POT1: variants seen among roughly 807,000 people sequenced by gnomAD.
The protein encoded by POT1 is protection of telomeres 1.
A neutral mutation model predicts 78.5 loss-of-function variants in POT1; 47 were observed. That is an observed-to-expected ratio of 0.60 (90% CI 0.47 to 0.76). The LOEUF (loss-of-function observed/expected upper bound fraction) is 0.76. Among genes scored for constraint, POT1 ranks in the 30% least tolerant of loss-of-function variants. The probability of loss-of-function intolerance (pLI) is 0.00; values close to 1 mark genes in which losing one functional copy is unlikely to be tolerated. For synonymous variants in POT1, 259 were observed against 260.7 expected, an observed-to-expected ratio of 0.99 and a Z score of 0.06; for missense variants, 646 against 749.9, an observed-to-expected ratio of 0.86 and a Z score of 1.62.
At chr7:124,866,081 AGTT>A (rs936291052) in intron 7 of POT1, among the ~76,000 whole-genome samples, 1 of 151,910 alleles carries the variant, frequency 6.6e-6, no homozygotes, top group Non-Finnish European at 1.5e-5. Flanking sequence ...TTGGCCACTG[AGTT>A]GTTGTCTGGT....
Position 124,877,840 on chromosome 7 carries a change from C to CAAAAAAAAAA in POT1, c.125-6809_125-6800dup, listed in dbSNP as rs201285982. Among the ~76,000 whole-genome samples, 37 of 80,564 alleles carry CAAAAAAAAAA rather than the reference C, an allele frequency of 4.6e-4. 4 individuals are homozygous for CAAAAAAAAAA. Among genetic ancestry groups the CAAAAAAAAAA allele is most frequent in the Non-Finnish European group, 6.5e-4 (24 of 36,922 alleles). The allele number at this position is 80,564 out of a possible 152,430, so 52.9% of individuals were successfully genotyped here. A position where few individuals can be genotyped will look rare whatever the true frequency, so the allele number is the denominator to read the frequency against. ...TGGGCGACAGAGAGAGATTCTGTCT[C>CAAAAAAAAAA]AAAAAAAAAAAAAAAAAAAAAAAAA... On this transcript the variant is annotated intron_variant, in intron 6 of 18. Coordinates refer to ENST00000357628, the MANE Select transcript of POT1 (RefSeq NM_015450.3).
intron 3 of POT1, among the ~76,000 whole-genome samples, chr7:124,915,369 T>A (rs1315132460): frequency 1.3e-5 from 2 of 152,156 alleles, no homozygotes; most frequent in East Asian, 1.9e-4. Flanking sequence ...CTATGTAACA[T>A]GTTAAAAGCC....
At chr7:124,847,457 G>A (rs1795200304) in intron 11 of POT1, among the ~76,000 whole-genome samples, 1 of 152,222 alleles carries the variant, frequency 6.6e-6, no homozygotes, top group South Asian at 2.1e-4. Context: ...TTGTGCCATT[G>A]CACTCCAGCC....
chr7:124,853,018 T>C lies in POT1; in HGVS notation c.823A>G (p.Ile275Val), dbSNP rs1584765612. ...GAGTTACTTTCTGGCAAGACCCTGATTCCCCGACCGTAACTGGTACCTCCA... is the reference window on the plus strand; with the variant it reads ...GAGTTACTTTCTGGCAAGACCCTGACTCCCCGACCGTAACTGGTACCTCCA... ...LHGGTSYGRGIRVLPESNSDV... is the reference protein window; with the variant it reads ...LHGGTSYGRGVRVLPESNSDV... The change falls in exon 10 of 19, where the codon ATC (isoleucine) becomes GTC (valine). Residue 275 changes from isoleucine (I) to valine (V), a missense_variant. Physicochemically the swap from Ile to Val is conservative, Grantham distance 29 (BLOSUM62 3). Transcript: ENST00000357628. 1 of 1,613,590 alleles carries C rather than the reference T, an allele frequency of 6.2e-7. No individual in the cohort carries two copies. The highest frequency in any genetic ancestry group is 8.5e-7 in the Non-Finnish European group (1 of 1,179,558).
chr7:124,908,200 T>G (rs189774676), intron 3 of POT1, among the ~76,000 whole-genome samples: 69 of 152,148 alleles, frequency 4.5e-4, no homozygotes, highest in Middle Eastern at 3.4e-3. Context: ...TTAAAACATT[T>G]TTCAAGAGTA....
chr7:124,863,553 T>A lies in POT1; in HGVS notation c.343A>T (p.Ile115Leu). Residue 115 changes from isoleucine to leucine, a missense_variant, in exon 8 of 19, where the codon ATA becomes TTA. By Grantham distance (5) the Ile-to-Leu change is conservative. Transcript: ENST00000357628. The part of the protein sequence containing the change: ...TFEGTLGAPI[I>L]PRTSSKYFNF... ...AAATACTTGCTTGAAGTGCGAGGTA[T>A]GATAGGGGCTCCCAAAGTTCCCTCA... 1 of 1,613,914 alleles carries A rather than the reference T, an allele frequency of 6.2e-7. No individual in the cohort carries two copies. The highest frequency in any genetic ancestry group is 1.1e-5 in the South Asian group (1 of 91,076).
chr7:124,868,648 TAAATA>T (rs1030045525), intron 7 of POT1, among the ~76,000 whole-genome samples: 54 of 150,940 alleles, frequency 3.6e-4, no homozygotes, highest in African/African-American at 1.3e-3. Context: ...TTAAATGATT[TAAATA>T]AATATAAAAA....
chr7:124,863,161 A>C (rs1160261757), intron 8 of POT1, among the ~76,000 whole-genome samples, 189 bp downstream of exon 8: 2 of 152,104 alleles, frequency 1.3e-5, no homozygotes, highest in Non-Finnish European at 2.9e-5. Context: ...TCTGGAAGGA[A>C]AGTGTAAAAT....
rs189300050 is a variant in POT1 at position 124,904,750 on chromosome 7, T to C, written c.-153-6376A>G. Among the ~76,000 whole-genome samples the C allele has an allele frequency of 1.1e-3, 170 of 152,278 alleles. 1 individual carries two copies. The highest frequency in any genetic ancestry group is 3.8e-3 in the African/African-American group (157 of 41,540). ...ATGATTATATGTTTAGAAAACCCCA[T>C]CGGTCTCAGCTCAAAATCTCCTTAA... On this transcript the variant is annotated intron_variant, in intron 3 of 18. Coordinates refer to ENST00000357628, the MANE Select transcript of POT1 (RefSeq NM_015450.3).
At position 124,879,960 on chromosome 7, in the gene POT1, C is replaced by T. The variant is rs1796079720; in HGVS notation, c.125-8919G>A. On this transcript the variant is annotated intron_variant, in intron 6 of 18. Transcript: ENST00000357628. ...CTCACAGAGGATTTTTTGGTAATAG[C>T]TTATAGTGTTTCCCCAAACACTATA... Among the ~76,000 whole-genome samples, 3 of 152,174 alleles carry T rather than the reference C, an allele frequency of 2.0e-5. No individual in the cohort carries two copies. In the Middle Eastern group the frequency reaches 0.01, roughly 518 times the overall value.
At chr7:124,828,487 A>G (rs1213687315) in intron 16 of POT1, among the ~76,000 whole-genome samples, 1 of 152,184 alleles carries the variant, frequency 6.6e-6, no homozygotes, top group Non-Finnish European at 1.5e-5. Context: ...AGGGAAAGTA[A>G]GAATAAATTA....
chr7:124,917,783 G>T (rs1452818880), intron 2 of POT1, among the ~76,000 whole-genome samples: 1 of 152,074 alleles, frequency 6.6e-6, no homozygotes, highest in Non-Finnish European at 1.5e-5. Context: ...ATTGGAATGG[G>T]CCACACTGGT....
chr7:124,825,195 A>G, intron 18 of POT1, 57 bp downstream of exon 18: 1 of 1,134,536 alleles, frequency 8.8e-7, no homozygotes, highest in Non-Finnish European at 1.3e-6. Flanking sequence ...GAGTACATAT[A>G]TGTTAGTGCT....
At chr7:124,925,433 A>G (rs1334983058) in intron 2 of POT1, among the ~76,000 whole-genome samples, 3 of 152,132 alleles carry the variant, frequency 2.0e-5, no homozygotes, top group African/African-American at 4.8e-5. Context: ...AAGGAAAACT[A>G]CAAAGGACGG....
At chr7:124,859,305 A>C (rs1024777319) in intron 8 of POT1, among the ~76,000 whole-genome samples, 193 bp from the exon 9 acceptor site, 2 of 152,184 alleles carry the variant, frequency 1.3e-5, no homozygotes, top group African/African-American at 4.8e-5. Context: ...AAAATGTAGA[A>C]GAATGTAAAG....
At chr7:124,866,453 C>CACAGTTCAACT (rs1795727771) in intron 7 of POT1, among the ~76,000 whole-genome samples, 1 of 151,802 alleles carries the variant, frequency 6.6e-6, no homozygotes. Context: ...ACAGTTCAAC[C>CACAGTTCAACT]ACACAGCAGC....
At chr7:124,844,074 T>G (rs929115384) in intron 12 of POT1, among the ~76,000 whole-genome samples, 24 of 151,904 alleles carry the variant, frequency 1.6e-4, no homozygotes, top group African/African-American at 5.8e-4. Flanking sequence ...ATTTATTACA[T>G]CAGAGTGGAA....
At chr7:124,835,538 G>A in intron 14 of POT1, 124 bp from the exon 15 acceptor site, 2 of 1,045,426 alleles carry the variant, frequency 1.9e-6, no homozygotes, top group African/African-American at 1.6e-5. Flanking sequence ...GACAATGAAT[G>A]TATGTAAAAA....
chr7:124,870,863 C>T (rs2116567035), intron 7 of POT1, 48 bp downstream of exon 7: 1 of 1,463,126 alleles, frequency 6.8e-7, no homozygotes, highest in South Asian at 1.6e-5. Context: ...GTGAACAATA[C>T]AGAGTTCTCT....
Sources: gnomAD v4.1 joint callset for allele counts (sites outside exome capture counted in the v4.1 genomes callset) on GRCh38, gnomAD v4.1.1 for gene constraint, MANE v1.5 for transcripts, NCBI Gene and HGNC (gene_info 2026-07-23, HGNC 2026-07-21) for gene names.